GRK5: variants seen among roughly 807,000 people sequenced by gnomAD.
GRK5 encodes G protein-coupled receptor kinase 5.
Under a neutral mutation model 78.4 loss-of-function variants are expected in GRK5, and 40 were observed. The observed-to-expected ratio is 0.51, with a 90% CI of 0.40 to 0.66. The LOEUF (loss-of-function observed/expected upper bound fraction) is 0.66, where lower values mean the gene tolerates loss of function less well. GRK5 is among the 30% of genes least tolerant of loss of function. The probability of loss-of-function intolerance (pLI) is 0.00; values close to 1 mark genes in which losing one functional copy is unlikely to be tolerated. For missense variants in GRK5, 598 were observed against 759.9 expected (o/e 0.79, Z 2.50); for synonymous variants, 289 against 296.8 (o/e 0.97, Z 0.27).
intron 3 of GRK5, among the ~76,000 whole-genome samples, chr10:119,389,732 C>CTTT (rs1851856013): frequency 6.6e-6 from 1 of 152,118 alleles, no homozygotes; most frequent in Non-Finnish European, 1.5e-5. Context: ...AACATAAAAA[C>CTTT]CCTGGGAACT....
chr10:119,459,145 C>A lies in GRK5; in HGVS notation c.*4078C>A, dbSNP rs896000383. On this transcript the variant is annotated 3_prime_UTR_variant, in exon 16 of 16. Coordinates refer to ENST00000392870, the MANE Select transcript of GRK5 (RefSeq NM_005308.3). ...GTCTTTGTGCATTTGGAAGTGACATCGCTGTGTGGATTATGAATACAGAGA... is the reference window on the plus strand; with the variant it reads ...GTCTTTGTGCATTTGGAAGTGACATAGCTGTGTGGATTATGAATACAGAGA... 6.6e-6 allele frequency: 1 copy of A among 152,202 alleles called. No homozygotes were observed. Among genetic ancestry groups the A allele is most frequent in the African/African-American group, 2.4e-5 (1 of 41,440 alleles). The allele number at this position is 152,202 out of a possible 1,614,324, so 9.4% of individuals were successfully genotyped here.
chr10:119,367,697 G>A (rs12762734), intron 2 of GRK5, among the ~76,000 whole-genome samples: 40,575 of 152,218 alleles, frequency 0.27, 5,867 homozygotes, highest in African/African-American at 0.38. Context: ...GCATGGTGTT[G>A]ATAAAGAGTA....
At chr10:119,361,744 T>A (rs1336923028) in intron 2 of GRK5, among the ~76,000 whole-genome samples, 1 of 152,044 alleles carries the variant, frequency 6.6e-6, no homozygotes, top group Non-Finnish European at 1.5e-5. Context: ...GCAGATCACT[T>A]GAGGTCAGGA....
In GRK5 at chr10:119,366,251, C is replaced by A. The variant is rs1384834344; in HGVS notation, c.149-14564C>A. Among the ~76,000 whole-genome samples, 12 of 152,302 alleles carry A rather than the reference C, an allele frequency of 7.9e-5. No individual in the cohort carries two copies. The East Asian group carries it at 2.1e-3, about 27-fold the overall frequency. On this transcript the variant is annotated intron_variant, in intron 2 of 15. Coordinates refer to ENST00000392870, the MANE Select transcript of GRK5 (RefSeq NM_005308.3). The stretch of plus-strand genomic sequence containing the variant: ...TTGACAAAAGGAGTGTAAACAGGAT[C>A]CTGGTGAATAGCTTTCTCATGGCTG...
Position 119,452,651 on chromosome 10 carries a change from C to A in GRK5, c.1405-20C>A, listed in dbSNP as rs200671045. ...GCCGCAGGCGGGACATATGTGTGAC[C>A]GGCCCTCTGCCCCTGGCAGCCCCGC... On this transcript the variant is annotated intron_variant, in intron 13 of 15. Transcript: ENST00000392870. The surrounding 1 kb of genome is among the most constrained non-coding windows in gnomAD (Gnocchi z 4.4). The A allele has an allele frequency of 4.3e-6, 7 of 1,613,382 alleles. No individual in the cohort carries two copies. The highest frequency in any genetic ancestry group is 5.9e-6 in the Non-Finnish European group (7 of 1,179,916).
At chr10:119,375,118 G>C (rs1371991311) in intron 2 of GRK5, among the ~76,000 whole-genome samples, 1 of 152,170 alleles carries the variant, frequency 6.6e-6, no homozygotes. Context: ...ACCACTTTCT[G>C]TCTGTTTTCT....
At chr10:119,428,283 C>T (rs1852743338) in intron 6 of GRK5, among the ~76,000 whole-genome samples, 1 of 152,246 alleles carries the variant, frequency 6.6e-6, no homozygotes, top group African/African-American at 2.4e-5. Flanking sequence ...CCTCTTGAAG[C>T]CTCAGCGTTC....
At chr10:119,235,063 C>G (rs1564857916) in intron 1 of GRK5, among the ~76,000 whole-genome samples, 1 of 152,174 alleles carries the variant, frequency 6.6e-6, no homozygotes, top group African/African-American at 2.4e-5. Flanking sequence ...CAACCTCTGC[C>G]TTCCCAGGCT....
Position 119,448,143 on chromosome 10 carries a change from G to A in GRK5, c.1287G>A (p.Lys429=). ...ICKMLLTKDA[K]QRLGCQEEGA... is the part of the protein sequence containing the mutation. ...TTCAGCTGCTCACGAAAGATGCGAA[G>A]CAGAGGCTGGGCTGCCAGGAGGAGG... The change falls in exon 13 of 16, where the codon AAG becomes AAA. Residue 429 remains lysine, a synonymous_variant. Transcript: ENST00000392870. 6.4e-7 allele frequency: 1 copy of A among 1,561,454 alleles called. No individual in the cohort carries two copies. The highest frequency in any genetic ancestry group is 2.1e-5 in the Admixed American group (1 of 47,294).
At chr10:119,337,511 G>A (rs1364276932) in intron 2 of GRK5, among the ~76,000 whole-genome samples, 1 of 152,258 alleles carries the variant, frequency 6.6e-6, no homozygotes, top group South Asian at 2.1e-4. Flanking sequence ...TGGGTTTGCT[G>A]TCATTATTTG....
intron 4 of GRK5, among the ~76,000 whole-genome samples, chr10:119,406,026 T>C (rs916299910): frequency 1.3e-5 from 2 of 152,212 alleles, no homozygotes; most frequent in Non-Finnish European, 2.9e-5. Flanking sequence ...GTTCTGAGCC[T>C]GAAGGCTTTG....
intron 2 of GRK5, among the ~76,000 whole-genome samples, chr10:119,362,517 A>G (rs141635680): frequency 2.4e-3 from 365 of 152,390 alleles, no homozygotes; most frequent in African/African-American, 8.3e-3. Flanking sequence ...TCCTGCATCT[A>G]AACTATAACT....
intron 4 of GRK5, among the ~76,000 whole-genome samples, chr10:119,419,977 G>A (rs936461249): frequency 2.6e-5 from 4 of 152,126 alleles, no homozygotes; most frequent in African/African-American, 7.2e-5. Flanking sequence ...GGTCCTGAGG[G>A]GATAAGGTGA....
intron 1 of GRK5, among the ~76,000 whole-genome samples, chr10:119,229,161 G>A (rs1423766093): frequency 6.6e-6 from 1 of 152,184 alleles, no homozygotes; most frequent in Non-Finnish European, 1.5e-5. Context: ...GAGCTGGAGA[G>A]TAAGGGGCAA....
intron 6 of GRK5, among the ~76,000 whole-genome samples, chr10:119,428,256 TC>T (rs1196368373): frequency 3.3e-5 from 5 of 152,360 alleles, no homozygotes. Context: ...AGCTAGGGCC[TC>T]GGGCAACTCA....
intron 12 of GRK5, among the ~76,000 whole-genome samples, chr10:119,446,712 G>A (rs1178057640): frequency 1.3e-5 from 2 of 152,206 alleles, no homozygotes; most frequent in Non-Finnish European, 2.9e-5. Context: ...AACACTGAGC[G>A]ACTGAGTGCT....
chr10:119,379,139 C>T lies in GRK5; in HGVS notation c.149-1676C>T, dbSNP rs1851672757. Among the ~76,000 whole-genome samples the T allele has an allele frequency of 6.6e-6, 1 of 152,168 alleles. No homozygotes were observed. The highest frequency in any genetic ancestry group is 1.5e-5 in the Non-Finnish European group (1 of 68,032). ...ACAGACCAAATTATCACATCCATAA[C>T]GATGAGAAATGGGGTTTATTAATGT... On this transcript the variant is annotated intron_variant, in intron 2 of 15. Transcript: ENST00000392870. This position sits in a 1 kb window ranked among gnomAD's most constrained non-coding sequence, Gnocchi z 4.1.
chr10:119,291,087 A>G (rs1849946251), intron 1 of GRK5, among the ~76,000 whole-genome samples: 1 of 152,060 alleles, frequency 6.6e-6, no homozygotes, highest in Non-Finnish European at 1.5e-5. Context: ...CGGACATTAG[A>G]TTGGTAGGTG....
chr10:119,235,319 T>G (rs1472832073), intron 1 of GRK5, among the ~76,000 whole-genome samples: 3 of 152,164 alleles, frequency 2.0e-5, no homozygotes, highest in Non-Finnish European at 4.4e-5. Context: ...AGCAACTTGA[T>G]TTGCCTATTA....
Sources: allele counts gnomAD v4.1 joint callset (sites outside exome capture counted in the v4.1 genomes callset), GRCh38; gene constraint gnomAD v4.1.1; non-coding constraint Gnocchi (gnomAD v3.1); transcripts MANE v1.5; gene names NCBI Gene and HGNC (gene_info 2026-07-23, HGNC 2026-07-21).